EYS: variants seen among roughly 807,000 people sequenced by gnomAD.
The protein encoded by EYS is EGF-like photoreceptor maintenance factor.
Under a neutral mutation model 282.1 loss-of-function variants are expected in EYS, and 250 were observed. The observed-to-expected ratio is 0.89, with a 90% CI of 0.80 to 0.98. The LOEUF is 0.98. Among genes scored for constraint, EYS ranks in the 50% least tolerant of loss-of-function variants. The pLI is 0.00. For synonymous variants in EYS, 1,355 were observed against 1,282.9 expected (o/e 1.06, Z -1.20); for missense variants, 4,016 against 3,709.0 (o/e 1.08, Z -2.15).
intron 12 of EYS, among the ~76,000 whole-genome samples, chr6:65,118,025 C>T (rs1037231908): frequency 3.9e-5 from 6 of 151,990 alleles, no homozygotes; most frequent in East Asian, 1.9e-4. Context: ...ACTGATAGTA[C>T]GAGGAAGAAT....
intron 33 of EYS, among the ~76,000 whole-genome samples, chr6:64,021,868 A>G (rs1376690965): frequency 6.6e-6 from 1 of 152,098 alleles, no homozygotes; most frequent in Non-Finnish European, 1.5e-5. Flanking sequence ...CATACTATAC[A>G]TATTCTTTGC....
chr6:63,817,140 T>G (rs1771198569), intron 36 of EYS, among the ~76,000 whole-genome samples: 2 of 152,236 alleles, frequency 1.3e-5, no homozygotes, highest in African/African-American at 2.4e-5. Flanking sequence ...TATGGAAGTA[T>G]CTGTGATTTT....
chr6:64,269,173 T>C (rs1041269401), intron 30 of EYS, among the ~76,000 whole-genome samples: 3 of 152,060 alleles, frequency 2.0e-5, no homozygotes, highest in Admixed American at 1.3e-4. Context: ...TAGTTTCTCT[T>C]TGAAGCAGGT....
intron 29 of EYS, among the ~76,000 whole-genome samples, chr6:64,332,403 T>G (rs1257921482): frequency 6.6e-6 from 1 of 152,322 alleles, no homozygotes; most frequent in East Asian, 1.9e-4. Flanking sequence ...GTCTCACAGA[T>G]GCAGTATATC....
chr6:64,974,286 T>G (rs969560923), intron 14 of EYS, among the ~76,000 whole-genome samples: 1 of 151,838 alleles, frequency 6.6e-6, no homozygotes, highest in Admixed American at 6.6e-5. Context: ...GACTATTGGG[T>G]TAACTTACAA....
intron 22 of EYS, among the ~76,000 whole-genome samples, chr6:64,778,723 C>G (rs76104644): frequency 0.037 from 5,694 of 152,122 alleles, 321 homozygotes; most frequent in African/African-American, 0.13. Context: ...ACATCACAAG[C>G]AAAAGATCCT....
intron 36 of EYS, among the ~76,000 whole-genome samples, chr6:63,847,056 T>C (rs1772116807): frequency 6.6e-6 from 1 of 152,188 alleles, no homozygotes; most frequent in Non-Finnish European, 1.5e-5. Flanking sequence ...CATTAAATAA[T>C]TCATATGTTT....
intron 33 of EYS, among the ~76,000 whole-genome samples, chr6:64,050,723 T>C (rs1396312869): frequency 6.6e-6 from 1 of 152,186 alleles, no homozygotes; most frequent in African/African-American, 2.4e-5. Flanking sequence ...GAAAATTATA[T>C]CTGATGGAAG....
intron 2 of EYS, among the ~76,000 whole-genome samples, chr6:65,585,235 A>G (rs1420427575): frequency 2.6e-5 from 4 of 151,966 alleles, no homozygotes; most frequent in African/African-American, 9.7e-5. Context: ...AAACCATTTC[A>G]TGTCATCATT....
At chr6:64,006,102 C>T (rs181385684) in intron 33 of EYS, among the ~76,000 whole-genome samples, 1 of 152,278 alleles carries the variant, frequency 6.6e-6, no homozygotes, top group Non-Finnish European at 1.5e-5. Flanking sequence ...TAATCATGAG[C>T]ATTGGTATGA....
At chr6:65,119,789 C>T (rs1271932022) in intron 12 of EYS, among the ~76,000 whole-genome samples, 1 of 151,766 alleles carries the variant, frequency 6.6e-6, no homozygotes, top group Non-Finnish European at 1.5e-5. Flanking sequence ...ATCACTTGAG[C>T]CTGGAAGGTA....
intron 26 of EYS, among the ~76,000 whole-genome samples, chr6:64,461,901 T>C (rs1010210440): frequency 3.3e-5 from 5 of 152,150 alleles, no homozygotes; most frequent in African/African-American, 9.6e-5. Context: ...GAAGAAATAA[T>C]TTGGAACTCA....
chr6:64,743,685 A>T (rs1201544455), intron 22 of EYS, among the ~76,000 whole-genome samples: 2 of 152,164 alleles, frequency 1.3e-5, no homozygotes, highest in East Asian at 3.8e-4. Flanking sequence ...CATTGATTTA[A>T]ATATCCAAAG....
chr6:63,773,047 T>TA (rs1395352066), intron 40 of EYS, among the ~76,000 whole-genome samples: 3 of 152,204 alleles, frequency 2.0e-5, no homozygotes, highest in Non-Finnish European at 4.4e-5. Flanking sequence ...GTCTTTTTTT[T>TA]ATGTATGTGA....
intron 1 of EYS, among the ~76,000 whole-genome samples, chr6:65,646,643 T>C (rs1447799701): frequency 6.6e-6 from 1 of 152,204 alleles, no homozygotes; most frequent in African/African-American, 2.4e-5. Flanking sequence ...TCACCACTTC[T>C]ATTCAACACA....
At chr6:64,072,720 G>T (rs1771634501) in intron 32 of EYS, among the ~76,000 whole-genome samples, 1 of 151,838 alleles carries the variant, frequency 6.6e-6, no homozygotes, top group African/African-American at 2.4e-5. Context: ...AGGACAGTCT[G>T]TTATCCTGCT....
At chr6:64,780,704 A>G (rs937398625) in intron 22 of EYS, among the ~76,000 whole-genome samples, 6 of 152,216 alleles carry the variant, frequency 3.9e-5, no homozygotes, top group Non-Finnish European at 8.8e-5. Flanking sequence ...GGCAAAAAAT[A>G]AATTAATTCA....
chr6:63,960,140 T>C (rs963595395), intron 35 of EYS, among the ~76,000 whole-genome samples: 21 of 152,118 alleles, frequency 1.4e-4, no homozygotes, highest in Admixed American at 3.9e-4. Context: ...CCATTCTAGA[T>C]GCATTAAGAA....
chr6:64,393,726 CAG>C (rs1276550210), intron 28 of EYS, among the ~76,000 whole-genome samples: 1 of 151,396 alleles, frequency 6.6e-6, no homozygotes, highest in African/African-American at 2.4e-5. Flanking sequence ...TGGCACAAGA[CAG>C]GGATGCCCTC....
Sources: allele counts gnomAD v4.1 joint callset (sites outside exome capture counted in the v4.1 genomes callset), GRCh38; gene constraint gnomAD v4.1.1; transcripts MANE v1.5; gene names NCBI Gene and HGNC (gene_info 2026-07-23, HGNC 2026-07-21).